Variants in CRYBG1 observed in about 807,000 individuals in gnomAD.
CRYBG1 encodes beta/gamma crystallin domain-containing protein 1.
Under a neutral mutation model 189.2 loss-of-function variants are expected in CRYBG1, and 139 were observed. That is an observed-to-expected ratio of 0.73 (90% CI 0.64 to 0.85). The LOEUF is 0.85. CRYBG1 is among the 40% of genes least tolerant of loss of function. CRYBG1 has a pLI of 0.00. For synonymous variants in CRYBG1, 1,023 were observed against 1,017.1 expected (o/e 1.01, Z -0.11); for missense variants, 2,611 against 2,675.8 (o/e 0.98, Z 0.53).
intron 1 of CRYBG1, among the ~76,000 whole-genome samples, chr6:106,426,708 T>C (rs1003611249): frequency 1.3e-5 from 2 of 152,216 alleles, no homozygotes; most frequent in Non-Finnish European, 2.9e-5. Context: ...GCCTGTTCCC[T>C]GCACGCAGCT....
intron 1 of CRYBG1, among the ~76,000 whole-genome samples, chr6:106,438,904 C>T (rs538511334): frequency 2.0e-5 from 3 of 151,916 alleles, no homozygotes; most frequent in African/African-American, 2.4e-5. Context: ...AATTTGGTAA[C>T]AAGAGAAAAA....
intron 21 of CRYBG1, among the ~76,000 whole-genome samples, chr6:106,567,981 C>T (rs923492968): frequency 6.6e-6 from 1 of 152,162 alleles, no homozygotes; most frequent in Non-Finnish European, 1.5e-5. Flanking sequence ...TAATACAGCC[C>T]GTTTTCATTG....
At chr6:106,366,010 G>T (rs1489086217) in intron 1 of CRYBG1, among the ~76,000 whole-genome samples, 2 of 152,108 alleles carry the variant, frequency 1.3e-5, no homozygotes, top group African/African-American at 2.4e-5. Flanking sequence ...CTAACTCCCT[G>T]TTTATATCAC....
intron 1 of CRYBG1, among the ~76,000 whole-genome samples, chr6:106,394,466 A>C (rs979194985): frequency 6.6e-6 from 1 of 152,158 alleles, no homozygotes; most frequent in African/African-American, 2.4e-5. Flanking sequence ...AGCTTCTCTA[A>C]TGTTCTTGTG....
Position 106,529,367 on chromosome 6 carries a change from G to A in CRYBG1, c.4579-809G>A, listed in dbSNP as rs73520820. Among the ~76,000 whole-genome samples, 441 of 152,252 alleles carry A rather than the reference G, an allele frequency of 2.9e-3. 4 individuals are homozygous for A. The highest frequency in any genetic ancestry group is 0.01 in the African/African-American group (426 of 41,520). ...ATGGATTATATTTTCTTCACAGATC[G>A]TGTGCATGGTTTCTTGAAACATAAA... is the stretch of plus-strand genomic sequence containing the variant. On this transcript the variant is annotated intron_variant, in intron 7 of 21. Coordinates refer to ENST00000633556, the MANE Select transcript of CRYBG1 (RefSeq NM_001371242.2).
At chr6:106,435,409 C>A (rs1457519623) in intron 1 of CRYBG1, among the ~76,000 whole-genome samples, 6 of 152,080 alleles carry the variant, frequency 3.9e-5, no homozygotes, top group African/African-American at 1.4e-4. Context: ...ATATGATGCT[C>A]CTGCCTTGGC....
intron 2 of CRYBG1, among the ~76,000 whole-genome samples, chr6:106,471,076 G>A (rs1017991287): frequency 6.6e-6 from 1 of 152,190 alleles, no homozygotes; most frequent in African/African-American, 2.4e-5. Flanking sequence ...TACATGAAAG[G>A]AGACTGCTGT....
chr6:106,385,222 A>G (rs1770359956), intron 1 of CRYBG1, among the ~76,000 whole-genome samples: 1 of 152,196 alleles, frequency 6.6e-6, no homozygotes, highest in South Asian at 2.1e-4. Context: ...TCTGTGTATA[A>G]GAGAAACGTG....
intron 2 of CRYBG1, among the ~76,000 whole-genome samples, chr6:106,492,727 C>G (rs769368784): frequency 6.6e-6 from 1 of 151,956 alleles, no homozygotes; most frequent in African/African-American, 2.4e-5. Context: ...AACAATATCC[C>G]CTTGTATTGT....
In CRYBG1 at chr6:106,512,465, G is replaced by C. The variant is rs142945856; in HGVS notation, c.1348G>C (p.Asp450His). 6.2e-7 allele frequency: 1 copy of C among 1,611,154 alleles called. No homozygotes were observed. The highest frequency in any genetic ancestry group is 1.3e-5 in the African/African-American group (1 of 75,026). The change falls in exon 3 of 22, where the codon GAC becomes CAC. Residue 450 changes from aspartate (D) to histidine (H), a missense_variant. Asp to His is a moderately conservative substitution (Grantham distance 81). Around this residue, in one of 3 missense-constraint regions of CRYBG1, gnomAD observed 985 missense variants for 924.4 expected, o/e 1.07. Transcript: ENST00000633556. ...SAARDDAVFD[D>H]EVAPNAASDN... ...TGCCAGGGACGACGCGGTGTTCGAC[G>C]ACGAGGTGGCGCCAAACGCGGCCAG...
At chr6:106,455,402 A>G (rs1034811943) in intron 2 of CRYBG1, among the ~76,000 whole-genome samples, 2 of 151,806 alleles carry the variant, frequency 1.3e-5, no homozygotes, top group African/African-American at 4.8e-5. Context: ...TGCTTAACTC[A>G]TTTTGGAAGT....
chr6:106,550,168 G>A (rs1774362834), intron 13 of CRYBG1, among the ~76,000 whole-genome samples: 1 of 152,126 alleles, frequency 6.6e-6, no homozygotes, highest in Non-Finnish European at 1.5e-5. Flanking sequence ...TGTATATCTA[G>A]TGCCAGTCTA....
intron 1 of CRYBG1, among the ~76,000 whole-genome samples, chr6:106,450,105 T>C (rs1359995975): frequency 6.6e-6 from 1 of 151,654 alleles, no homozygotes; most frequent in Non-Finnish European, 1.5e-5. Flanking sequence ...CACATGCCTG[T>C]AATCCCAGCT....
chr6:106,443,137 T>C (rs1304064011), intron 1 of CRYBG1, among the ~76,000 whole-genome samples: 1 of 152,240 alleles, frequency 6.6e-6, no homozygotes, highest in Non-Finnish European at 1.5e-5. Flanking sequence ...CAAGAGTAGA[T>C]GGATGTCATA....
intron 1 of CRYBG1, among the ~76,000 whole-genome samples, chr6:106,361,805 C>A (rs909914979): frequency 6.6e-6 from 1 of 151,982 alleles, no homozygotes; most frequent in African/African-American, 2.4e-5. Context: ...GAAGTAACAG[C>A]GTATTTACAT....
intron 18 of CRYBG1, among the ~76,000 whole-genome samples, chr6:106,560,509 AG>A (rs1774685503): frequency 6.6e-6 from 1 of 152,256 alleles, no homozygotes; most frequent in South Asian, 2.1e-4. Flanking sequence ...AATAGTTCCC[AG>A]GAAGAACTGA....
At chr6:106,434,178 C>G (rs9398085) in intron 1 of CRYBG1, among the ~76,000 whole-genome samples, 90,949 of 150,724 alleles carry the variant, frequency 0.6, 28,666 homozygotes, top group African/African-American at 0.78. Flanking sequence ...GAGATTGAGA[C>G]AGAAAGAGAG....
rs1213930285 is a variant in CRYBG1 at position 106,569,449 on chromosome 6, C to A, written c.*883C>A. 1 of 152,060 alleles carries A rather than the reference C, an allele frequency of 6.6e-6. No individual in the cohort carries two copies. Among genetic ancestry groups the A allele is most frequent in the Non-Finnish European group, 1.5e-5 (1 of 68,030 alleles). The allele number at this position is 152,060 out of a possible 1,614,324, so 9.4% of individuals were successfully genotyped here. ...CGTTGCCCAGGCTGATCTCGAACCT[C>A]TGGGCTCAAGCAATTCACTCGCCTC... On this transcript the variant is annotated 3_prime_UTR_variant, in exon 22 of 22. Coordinates refer to ENST00000633556, the MANE Select transcript of CRYBG1 (RefSeq NM_001371242.2).
chr6:106,454,400 T>C (rs1333087888), intron 2 of CRYBG1, among the ~76,000 whole-genome samples: 1 of 152,156 alleles, frequency 6.6e-6, no homozygotes, highest in Non-Finnish European at 1.5e-5. Context: ...CTGGCCAATA[T>C]TACTGGGAAA....
Sources: allele counts gnomAD v4.1 joint callset (sites outside exome capture counted in the v4.1 genomes callset), GRCh38; gene constraint gnomAD v4.1.1; regional missense constraint gnomAD v4.1.1; transcripts MANE v1.5; gene names NCBI Gene and HGNC (gene_info 2026-07-23, HGNC 2026-07-21).